The following HDAC9 variants were observed in gnomAD, a reference collection of about 807,000 sequenced individuals.
HDAC9 encodes the protein MEF-2 interacting transcription repressor (MITR) protein.
Under a neutral mutation model 139.4 loss-of-function variants are expected in HDAC9, and 41 were observed. That is an observed-to-expected ratio of 0.29 (90% CI 0.23 to 0.38). The LOEUF is 0.38. Ranked by LOEUF, HDAC9 falls within the 10% of genes least tolerant of loss-of-function variation. The probability of loss-of-function intolerance (pLI) is 1.00; values close to 1 mark genes in which losing one functional copy is unlikely to be tolerated. For missense variants in HDAC9, 1,147 were observed against 1,297.0 expected (o/e 0.88, Z 1.78); for synonymous variants, 517 against 476.2 (o/e 1.09, Z -1.12).
intron 12 of HDAC9, among the ~76,000 whole-genome samples, chr7:18,711,451 T>G (rs1275439906): frequency 6.6e-6 from 1 of 152,208 alleles, no homozygotes; most frequent in South Asian, 2.1e-4. Context: ...TTTTGATTAC[T>G]AACCTCCTGC....
intron 1 of HDAC9, among the ~76,000 whole-genome samples, chr7:18,112,912 G>A (rs1783721024): frequency 6.6e-6 from 1 of 152,148 alleles, no homozygotes; most frequent in South Asian, 2.1e-4. Flanking sequence ...AGGTTTGGGA[G>A]AGCGTTTGTT....
intron 16 of HDAC9, among the ~76,000 whole-genome samples, chr7:18,770,751 T>C (rs890390646): frequency 4.6e-5 from 7 of 152,202 alleles, no homozygotes; most frequent in Non-Finnish European, 1.0e-4. Context: ...CACATCACTA[T>C]TGGCAGGCAA....
intron 1 of HDAC9, among the ~76,000 whole-genome samples, chr7:18,160,915 A>G (rs902751748): frequency 4.6e-5 from 7 of 152,160 alleles, no homozygotes; most frequent in Admixed American, 2.0e-4. Flanking sequence ...TATCACATTG[A>G]ACAATTTTTA....
intron 21 of HDAC9, among the ~76,000 whole-genome samples, chr7:18,873,398 C>T (rs561175782): frequency 6.6e-6 from 1 of 152,206 alleles, no homozygotes; most frequent in African/African-American, 2.4e-5. Context: ...ATATTTCAAT[C>T]ATTTACATTT....
At chr7:18,925,840 A>G (rs1317520066) in intron 22 of HDAC9, among the ~76,000 whole-genome samples, 2 of 151,958 alleles carry the variant, frequency 1.3e-5, no homozygotes, top group African/African-American at 4.8e-5. Context: ...ACATTGTTCA[A>G]AAAGGATACT....
At chr7:18,746,995 G>C (rs1788030192) in intron 13 of HDAC9, among the ~76,000 whole-genome samples, 1 of 152,112 alleles carries the variant, frequency 6.6e-6, no homozygotes, top group Admixed American at 6.6e-5. Context: ...AGTGAAAAAA[G>C]ATTAGCCAAA....
chr7:18,989,971 G>C (rs1785732777), intron 25 of HDAC9, among the ~76,000 whole-genome samples: 1 of 151,648 alleles, frequency 6.6e-6, no homozygotes, highest in Non-Finnish European at 1.5e-5. Flanking sequence ...TTTTTTCAAA[G>C]TTTTCAACTT....
intron 2 of HDAC9, among the ~76,000 whole-genome samples, chr7:18,238,119 A>G (rs1793947554): frequency 6.6e-6 from 1 of 152,240 alleles, no homozygotes; most frequent in Non-Finnish European, 1.5e-5. Flanking sequence ...TTAACTTTTA[A>G]TAATAAAAAC....
At chr7:18,213,172 T>C (rs1012895106) in intron 2 of HDAC9, among the ~76,000 whole-genome samples, 54 of 152,184 alleles carry the variant, frequency 3.5e-4, no homozygotes, top group Admixed American at 1.2e-3. Flanking sequence ...AGAATACTTT[T>C]GACAGGTTAC....
chr7:18,441,949 T>G (rs1791813807), intron 1 of HDAC9, among the ~76,000 whole-genome samples: 2 of 151,988 alleles, frequency 1.3e-5, no homozygotes, highest in Non-Finnish European at 2.9e-5. Context: ...TTTTTGTATT[T>G]TTAGTAGAGA....
chr7:18,744,734 G>C (rs760045633), intron 13 of HDAC9, among the ~76,000 whole-genome samples: 4 of 152,060 alleles, frequency 2.6e-5, no homozygotes, highest in Non-Finnish European at 5.9e-5. Context: ...AAGAAGGAAA[G>C]ATACTACACT....
chr7:18,435,389 G>A (rs931216339), intron 1 of HDAC9, among the ~76,000 whole-genome samples: 42 of 151,922 alleles, frequency 2.8e-4, no homozygotes, highest in African/African-American at 1.0e-3. Flanking sequence ...ACCTGCACAT[G>A]TACCCCGGAA....
Position 18,495,868 on chromosome 7 carries a change from C to A in HDAC9, c.-197C>A, listed in dbSNP as rs568751593. ...ACTCTAAGCCAGGTTTAATTGGTTTCTTTTTCTCGTGGGTAGACTTAATAA... is the reference window on the plus strand; with the variant it reads ...ACTCTAAGCCAGGTTTAATTGGTTTATTTTTCTCGTGGGTAGACTTAATAA... On this transcript the variant is annotated 5_prime_UTR_variant, in exon 1 of 26. Coordinates refer to ENST00000686413, the MANE Select transcript of HDAC9 (RefSeq NM_178425.4). 8.2e-6 allele frequency: 9 copies of A among 1,096,396 alleles called. No individual in the cohort carries two copies. The highest frequency in any genetic ancestry group is 9.9e-5 in the Admixed American group (2 of 20,212). 67.9% of individuals were successfully genotyped at this position (1,096,396 alleles called of 1,614,324 possible).
At chr7:18,420,322 T>C (rs536223567) in intron 1 of HDAC9, among the ~76,000 whole-genome samples, 1 of 152,326 alleles carries the variant, frequency 6.6e-6, no homozygotes, top group South Asian at 2.1e-4. Flanking sequence ...TTCTCTCATG[T>C]TACTTTTTGT....
At chr7:18,204,259 A>G (rs1450359755) in intron 2 of HDAC9, among the ~76,000 whole-genome samples, 2 of 150,986 alleles carry the variant, frequency 1.3e-5, no homozygotes, top group South Asian at 2.1e-4. Flanking sequence ...AATCATTCCT[A>G]TGGTGTTACA....
chr7:18,480,179 C>A (rs1400278829), intron 1 of HDAC9, among the ~76,000 whole-genome samples: 1 of 151,900 alleles, frequency 6.6e-6, no homozygotes, highest in Non-Finnish European at 1.5e-5. Context: ...ATACTGTGCA[C>A]CAGTGTTTGT....
At chr7:18,629,541 T>C (rs1781698602) in intron 7 of HDAC9, 60 bp downstream of exon 7, 6 of 1,459,824 alleles carry the variant, frequency 4.1e-6, no homozygotes, top group Non-Finnish European at 5.6e-6. Context: ...AAAAATAGTT[T>C]AGAATAAATA....
intron 13 of HDAC9, among the ~76,000 whole-genome samples, chr7:18,735,540 T>C (rs1010972985): frequency 6.6e-6 from 1 of 152,060 alleles, no homozygotes. Flanking sequence ...AGATCAGATG[T>C]TTGTAGATGT....
intron 1 of HDAC9, among the ~76,000 whole-genome samples, chr7:18,344,524 A>T (rs553539424): frequency 2.0e-5 from 3 of 151,980 alleles, no homozygotes; most frequent in Non-Finnish European, 2.9e-5. Context: ...GAAATTGTTC[A>T]GGTAGTATTC....
Sources: gnomAD v4.1 joint callset for allele counts (sites outside exome capture counted in the v4.1 genomes callset) on GRCh38, gnomAD v4.1.1 for gene constraint, MANE v1.5 for transcripts, NCBI Gene and HGNC (gene_info 2026-07-23, HGNC 2026-07-21) for gene names.